Variants in DOK7 observed in about 807,000 individuals in gnomAD.
DOK7 encodes protein Dok-7.
In DOK7, 32 loss-of-function variants were observed where a neutral mutation model predicts 30.7. The observed-to-expected ratio is 1.04, with a 90% CI of 0.79 to 1.40. The LOEUF (loss-of-function observed/expected upper bound fraction) is 1.40. Ranked by LOEUF, DOK7 falls within the 40% of genes most tolerant of loss-of-function variation. The pLI is 0.00. For missense variants in DOK7, 1,007 were observed against 699.2 expected (o/e 1.44, Z -4.97); for synonymous variants, 447 against 324.1 (o/e 1.38, Z -4.07).
rs1451633409 is a variant in DOK7, at chr4:3,463,358, G to A, written c.-18G>A. On this transcript the variant is annotated 5_prime_UTR_variant, in exon 1 of 7. Coordinates refer to ENST00000340083, the MANE Select transcript of DOK7 (RefSeq NM_173660.5). ...GGGGCGCCGGGGCGAGCGCGGCGGC[G>A]CGGAACCATGACAGAAGATGACCGA... is the stretch of plus-strand genomic sequence containing the variant. 4 of 1,464,286 alleles carry A rather than the reference G, an allele frequency of 2.7e-6. No individual in the cohort carries two copies. The highest frequency in any genetic ancestry group is 3.6e-6 in the Non-Finnish European group (4 of 1,121,112). The allele number at this position is 1,464,286 out of a possible 1,614,324, so 90.7% of individuals were successfully genotyped here.
rs556201449 is a variant in DOK7 at position 3,474,750 on chromosome 4, A to C, written c.331+1114A>C. On this transcript the variant is annotated intron_variant, in intron 3 of 6. Coordinates refer to ENST00000340083, the MANE Select transcript of DOK7 (RefSeq NM_173660.5). ...GACAGGAGAATCGCTTGAACCTGGG[A>C]GGCAGAGGTTGCAATGAGCTGAGAT... Among the ~76,000 whole-genome samples, 23 of 152,152 alleles carry C rather than the reference A, an allele frequency of 1.5e-4. No individual in the cohort carries two copies. The South Asian group carries it at 4.8e-3, about 32-fold the overall frequency.
Position 3,472,349 on chromosome 4 carries a change from C to G in DOK7, c.101-1057C>G, listed in dbSNP as rs369817699. On this transcript the variant is annotated intron_variant, in intron 2 of 6. Transcript: ENST00000340083. ...TCAGATGACACGTCATTCTGCAATCCTCTTCGGGGACATTCTCCCCAATCC... is the reference window on the plus strand; with the variant it reads ...TCAGATGACACGTCATTCTGCAATCGTCTTCGGGGACATTCTCCCCAATCC... 1.1e-4 allele frequency among the ~76,000 whole-genome samples: 16 copies of G among 152,370 alleles called. No homozygotes were observed. In the East Asian group the frequency reaches 3.1e-3, roughly 29 times the overall value.
At chr4:3,478,510 G>A (rs1727250519) in intron 4 of DOK7, among the ~76,000 whole-genome samples, 1 of 136,742 alleles carries the variant, frequency 7.3e-6, no homozygotes, top group Non-Finnish European at 1.6e-5. Context: ...TGGCCCCACA[G>A]AACCTGAAAA....
rs968907398 is a variant in DOK7 at position 3,493,892 on chromosome 4, G to C, written c.*391G>C. On this transcript the variant is annotated 3_prime_UTR_variant, in exon 7 of 7. Transcript: ENST00000340083. ...TCCTTGGGCCTCACGCCCCCTTCGGGGGTGGCCGGTTCTCCCCATCACCTC... is the reference window on the plus strand; with the variant it reads ...TCCTTGGGCCTCACGCCCCCTTCGGCGGTGGCCGGTTCTCCCCATCACCTC... 118 of 1,077,372 alleles carry C rather than the reference G, an allele frequency of 1.1e-4. No homozygotes were observed. The highest frequency in any genetic ancestry group is 1.2e-4 in the Non-Finnish European group (109 of 889,690). The allele number at this position is 1,077,372 out of a possible 1,614,324, so 66.7% of individuals were successfully genotyped here. A position where few individuals can be genotyped will look rare whatever the true frequency, so the allele number is the denominator to read the frequency against.
intron 2 of DOK7, among the ~76,000 whole-genome samples, chr4:3,464,469 C>A (rs910794334): frequency 6.6e-6 from 1 of 152,218 alleles, no homozygotes; most frequent in Admixed American, 6.5e-5. Flanking sequence ...AGACCTCCTG[C>A]CTGGAGCTGT....
chr4:3,494,067 C>A lies in DOK7; in HGVS notation c.*566C>A, dbSNP rs570571803. ...AACTGAAGCTCAGGAGGCTGTGTGG[C>A]TTGCGGGGTCTCTGGGTTCTGGGCC... On this transcript the variant is annotated 3_prime_UTR_variant, in exon 7 of 7. Coordinates refer to ENST00000340083, the MANE Select transcript of DOK7 (RefSeq NM_173660.5). 2.3e-5 allele frequency: 23 copies of A among 986,966 alleles called. No homozygotes were observed. The African/African-American group carries it at 3.8e-4, about 16-fold the overall frequency. 61.1% of individuals were successfully genotyped at this position (986,966 alleles called of 1,614,324 possible).
intron 2 of DOK7, among the ~76,000 whole-genome samples, chr4:3,465,503 C>T (rs908914875): frequency 6.6e-6 from 1 of 152,194 alleles, no homozygotes; most frequent in African/African-American, 2.4e-5. Context: ...CCTTGTAAGA[C>T]AGGCAGGGTT....
At chr4:3,482,445 T>C (rs919635634) in intron 4 of DOK7, among the ~76,000 whole-genome samples, 2 of 152,218 alleles carry the variant, frequency 1.3e-5, no homozygotes, top group Admixed American at 1.3e-4. Context: ...CTTGGGCTTC[T>C]CAATAGGTTC....
chr4:3,490,503 C>G (rs1336709059), intron 6 of DOK7, among the ~76,000 whole-genome samples: 1 of 126,656 alleles, frequency 7.9e-6, no homozygotes, highest in Non-Finnish European at 1.7e-5. Context: ...CCTTTTCCCC[C>G]TGCTCATTCT....
chr4:3,484,624 G>A (rs1235872552), intron 4 of DOK7: 14 of 985,368 alleles, frequency 1.4e-5, no homozygotes, highest in African/African-American at 7.0e-5. Flanking sequence ...GCTTCTCCAC[G>A]GGTGGCGGCT....
Position 3,492,850 on chromosome 4 carries a change from C to T in DOK7, c.864C>T (p.Ser288=), listed in dbSNP as rs554816775. ...SSRLTAWPEQ[S]SSSASTSQEG... ...GGCTCACCGCATGGCCAGAGCAATC[C>T]TCGTCGTCAGCCAGCACGTCACAGG... The change falls in exon 7 of 7, where the codon TCC becomes TCT. Residue 288 remains serine (S), a synonymous_variant. Transcript: ENST00000340083. 1.2e-6 allele frequency: 2 copies of T among 1,611,294 alleles called. No individual in the cohort carries two copies. Among genetic ancestry groups the T allele is most frequent in the Non-Finnish European group, 8.5e-7 (1 of 1,179,570 alleles).
At chr4:3,471,571 C>T (rs13130148) in intron 2 of DOK7, among the ~76,000 whole-genome samples, 19,230 of 152,332 alleles carry the variant, frequency 0.13, 1,325 homozygotes, top group Middle Eastern at 0.18. Flanking sequence ...TCAAGCGGCC[C>T]TGGGGCCCCC....
intron 2 of DOK7, among the ~76,000 whole-genome samples, chr4:3,466,325 C>T (rs1195719249): frequency 4.6e-5 from 7 of 152,164 alleles, no homozygotes; most frequent in Non-Finnish European, 7.4e-5. Context: ...AGGGACCCCA[C>T]GGAGACGGCG....
intron 4 of DOK7, chr4:3,484,587 G>A: frequency 1.0e-6 from 1 of 985,370 alleles, no homozygotes; most frequent in Non-Finnish European, 1.2e-6. Flanking sequence ...GGCCGGGAGG[G>A]CAGCGCCCCC....
chr4:3,484,111 T>C (rs1727609080), intron 4 of DOK7, among the ~76,000 whole-genome samples: 1 of 152,176 alleles, frequency 6.6e-6, no homozygotes, highest in African/African-American at 2.4e-5. Flanking sequence ...CGTGGCTGTG[T>C]GATGGTGGAC....
chr4:3,484,858 C>T (rs1371525510), intron 4 of DOK7: 1 of 985,356 alleles, frequency 1.0e-6, no homozygotes, highest in East Asian at 1.1e-4. Context: ...CGTGCCACAC[C>T]TTTTACAAAC....
chr4:3,463,346 G>A lies in DOK7; in HGVS notation c.-30G>A, dbSNP rs146168804. ...TGACCCTGGGCTGGGGCGCCGGGGC[G>A]AGCGCGGCGGCGCGGAACCATGACA... is the stretch of plus-strand genomic sequence containing the variant. On this transcript the variant is annotated 5_prime_UTR_variant, in exon 1 of 7. Coordinates refer to ENST00000340083, the MANE Select transcript of DOK7 (RefSeq NM_173660.5). 7 of 1,447,442 alleles carry A rather than the reference G, an allele frequency of 4.8e-6. No individual in the cohort carries two copies. The South Asian group carries it at 8.8e-5, about 18-fold the overall frequency. 89.7% of individuals were successfully genotyped at this position (1,447,442 alleles called of 1,614,324 possible).
intron 4 of DOK7, among the ~76,000 whole-genome samples, chr4:3,481,411 T>C (rs1476877732): frequency 6.7e-6 from 1 of 149,516 alleles, no homozygotes; most frequent in Non-Finnish European, 1.5e-5. Flanking sequence ...AAGGTGGTGA[T>C]GGACAAGGGG....
intron 4 of DOK7, chr4:3,484,575 CT>C (rs1727640958): frequency 1.0e-6 from 1 of 985,256 alleles, no homozygotes; most frequent in Admixed American, 6.1e-5. Context: ...TCATTCACCC[CT>C]GGCCGGGAGG....
Sources: gnomAD v4.1 joint callset for allele counts (sites outside exome capture counted in the v4.1 genomes callset) on GRCh38, gnomAD v4.1.1 for gene constraint, MANE v1.5 for transcripts, NCBI Gene and HGNC (gene_info 2026-07-23, HGNC 2026-07-21) for gene names.